EYS: variants seen among roughly 807,000 people sequenced by gnomAD.
EYS encodes protein eyes shut homolog.
A neutral mutation model predicts 282.1 loss-of-function variants in EYS; 250 were observed. That is an observed-to-expected ratio of 0.89 (90% CI 0.80 to 0.98). The LOEUF (loss-of-function observed/expected upper bound fraction) is 0.98, where lower values mean the gene tolerates loss of function less well. Ranked by LOEUF, EYS falls within the 50% of genes least tolerant of loss-of-function variation. EYS has a pLI of 0.00. For synonymous variants in EYS, 1,355 were observed against 1,282.9 expected (o/e 1.06, Z -1.20); for missense variants, 4,016 against 3,709.0 (o/e 1.08, Z -2.15).
chr6:64,369,021 G>T (rs57204818), intron 29 of EYS, among the ~76,000 whole-genome samples: 3,188 of 152,112 alleles, frequency 0.021, 109 homozygotes, highest in African/African-American at 0.072. Flanking sequence ...ATCTTCCAGG[G>T]ATTTTATAGT....
chr6:65,515,015 G>A (rs978143154), intron 2 of EYS, among the ~76,000 whole-genome samples: 3 of 152,156 alleles, frequency 2.0e-5, no homozygotes, highest in Admixed American at 2.0e-4. Flanking sequence ...CCTACAAAAT[G>A]GGAGAATATT....
intron 33 of EYS, among the ~76,000 whole-genome samples, chr6:64,047,499 T>C (rs2149841729): frequency 6.6e-6 from 1 of 152,346 alleles, no homozygotes; most frequent in African/African-American, 2.4e-5. Flanking sequence ...TAAAAATGCC[T>C]GACAGAATGA....
intron 36 of EYS, among the ~76,000 whole-genome samples, chr6:63,847,948 C>A (rs562883739): frequency 5.3e-4 from 81 of 152,268 alleles, no homozygotes; most frequent in African/African-American, 1.9e-3. Context: ...AGGGTCAAGT[C>A]ATTTGACTCA....
intron 6 of EYS, 121 bp from the exon 7 acceptor site, chr6:65,402,726 T>C: frequency 1.6e-6 from 1 of 644,126 alleles, no homozygotes; most frequent in Non-Finnish European, 2.7e-6. Context: ...AAATTATCTG[T>C]CAGCAATGTG....
intron 22 of EYS, among the ~76,000 whole-genome samples, chr6:64,769,113 T>C (rs1043595971): frequency 6.6e-6 from 1 of 152,132 alleles, no homozygotes; most frequent in Admixed American, 6.6e-5. Flanking sequence ...TTTTTTATCA[T>C]ACTTATATGA....
At chr6:64,481,582 T>C (rs73767824) in intron 26 of EYS, among the ~76,000 whole-genome samples, 7,875 of 151,512 alleles carry the variant, frequency 0.052, 690 homozygotes, top group African/African-American at 0.18. Context: ...TAATACGAAA[T>C]TTAGTATAAA....
intron 5 of EYS, among the ~76,000 whole-genome samples, chr6:65,437,317 G>T: frequency 6.6e-6 from 1 of 152,016 alleles, no homozygotes; most frequent in East Asian, 1.9e-4. Flanking sequence ...TTTTTTAATG[G>T]TAACATGAGA....
chr6:65,568,399 T>C (rs1313618183), intron 2 of EYS, among the ~76,000 whole-genome samples: 2 of 151,826 alleles, frequency 1.3e-5, no homozygotes, highest in Admixed American at 1.3e-4. Flanking sequence ...TCTGTGTATA[T>C]ACACTAAATA....
chr6:65,265,235 G>C (rs1562059327), intron 12 of EYS, among the ~76,000 whole-genome samples: 1 of 151,886 alleles, frequency 6.6e-6, no homozygotes, highest in Non-Finnish European at 1.5e-5. Flanking sequence ...CGTACCCTCA[G>C]GATCCAAAAT....
At chr6:64,072,554 A>G (rs1182665518) in intron 32 of EYS, among the ~76,000 whole-genome samples, 1 of 151,824 alleles carries the variant, frequency 6.6e-6, no homozygotes, top group African/African-American at 2.4e-5. Context: ...GAGCATATTT[A>G]GAAACACAAA....
chr6:64,274,902 G>A, intron 30 of EYS, among the ~76,000 whole-genome samples: 1 of 152,126 alleles, frequency 6.6e-6, no homozygotes, highest in East Asian at 1.9e-4. Context: ...AATGCCTAGT[G>A]GCGACTATCT....
intron 35 of EYS, among the ~76,000 whole-genome samples, chr6:63,947,568 T>C (rs1048375013): frequency 6.6e-6 from 1 of 152,102 alleles, no homozygotes; most frequent in Non-Finnish European, 1.5e-5. Flanking sequence ...ATATAATTGG[T>C]TTGTGAATCC....
At chr6:65,614,308 G>GT (rs1329685113) in intron 2 of EYS, among the ~76,000 whole-genome samples, 1 of 151,950 alleles carries the variant, frequency 6.6e-6, no homozygotes, top group Non-Finnish European at 1.5e-5. Context: ...CACAGGACTA[G>GT]TTAACAATTA....
At chr6:64,521,567 T>C (rs1206001228) in intron 26 of EYS, among the ~76,000 whole-genome samples, 1 of 151,696 alleles carries the variant, frequency 6.6e-6, no homozygotes, top group African/African-American at 2.4e-5. Context: ...CTCCTTCTAT[T>C]CTGCCTTCCA....
At chr6:64,063,697 T>C (rs1771261279) in intron 33 of EYS, among the ~76,000 whole-genome samples, 1 of 152,130 alleles carries the variant, frequency 6.6e-6, no homozygotes, top group South Asian at 2.1e-4. Flanking sequence ...TGAATCTGTA[T>C]ATGCCATGGT....
chr6:65,364,083 T>C (rs1764817333), intron 8 of EYS, among the ~76,000 whole-genome samples: 1 of 151,202 alleles, frequency 6.6e-6, no homozygotes, highest in Admixed American at 6.7e-5. Flanking sequence ...AATTTGTTTT[T>C]CCAAATAAAC....
chr6:64,038,784 C>T (rs187325672), intron 33 of EYS, among the ~76,000 whole-genome samples: 341 of 151,174 alleles, frequency 2.3e-3, no homozygotes, highest in African/African-American at 7.8e-3. Context: ...TTTCTTTTTA[C>T]TTTTGTTTTC....
chr6:64,874,329 A>G (rs1218352348), intron 19 of EYS, among the ~76,000 whole-genome samples: 1 of 152,084 alleles, frequency 6.6e-6, no homozygotes, highest in African/African-American at 2.4e-5. Context: ...GTAGAATTTC[A>G]TTGTATCGAA....
intron 2 of EYS, among the ~76,000 whole-genome samples, chr6:65,554,071 C>T (rs1768699269): frequency 6.6e-6 from 1 of 151,954 alleles, no homozygotes; most frequent in Non-Finnish European, 1.5e-5. Context: ...CTCTTTTTGC[C>T]ATGTAAGGAT....
Sources: allele counts gnomAD v4.1 joint callset (sites outside exome capture counted in the v4.1 genomes callset), GRCh38; gene constraint gnomAD v4.1.1; transcripts MANE v1.5; gene names NCBI Gene and HGNC (gene_info 2026-07-23, HGNC 2026-07-21).